SAMD12: variants seen among roughly 807,000 people sequenced by gnomAD.
SAMD12 encodes sterile alpha motif domain containing 12, also known as sterile alpha motif domain-containing protein 12.
Under a neutral mutation model 15.0 loss-of-function variants are expected in SAMD12, and 9 were observed. The observed-to-expected ratio is 0.60, with a 90% CI of 0.36 to 1.05. The LOEUF (loss-of-function observed/expected upper bound fraction) is 1.05. SAMD12 is among the 50% of genes least tolerant of loss of function. SAMD12 has a pLI of 0.01. For synonymous variants in SAMD12, 86 were observed against 90.1 expected, an observed-to-expected ratio of 0.96 and a Z score of 0.25; for missense variants, 230 against 234.2, an observed-to-expected ratio of 0.98 and a Z score of 0.12.
At chr8:118,514,775 G>A (rs1047437124) in intron 2 of SAMD12, among the ~76,000 whole-genome samples, 5 of 152,202 alleles carry the variant, frequency 3.3e-5, no homozygotes, top group African/African-American at 1.2e-4. Flanking sequence ...TGGGAAAACA[G>A]CGTTAGTAAA....
intron 4 of SAMD12, among the ~76,000 whole-genome samples, chr8:118,256,611 A>C (rs936124239): frequency 6.6e-6 from 1 of 152,088 alleles, no homozygotes; most frequent in Non-Finnish European, 1.5e-5. Flanking sequence ...ATGGGGAAGA[A>C]GTTCCCATTT....
At chr8:118,165,360 G>A in the SAMD12 span, among the ~76,000 whole-genome samples, 1 of 151,962 alleles carries the variant, frequency 6.6e-6, no homozygotes, top group Non-Finnish European at 1.5e-5. Flanking sequence ...AGACAGGGAT[G>A]CGGAGCTTGC....
intron 2 of SAMD12, among the ~76,000 whole-genome samples, chr8:118,451,933 C>A (rs1221773874): frequency 6.6e-6 from 1 of 152,126 alleles, no homozygotes; most frequent in African/African-American, 2.4e-5. Context: ...CTCTGTCTCC[C>A]CAAAATTCAC....
intron 2 of SAMD12, among the ~76,000 whole-genome samples, chr8:118,466,722 T>C (rs1442598769): frequency 1.3e-5 from 2 of 152,174 alleles, no homozygotes; most frequent in Non-Finnish European, 1.5e-5. Context: ...GAAGGATTCA[T>C]ATTAATATTA....
At chr8:118,574,806 AT>A (rs1209196970) in intron 2 of SAMD12, among the ~76,000 whole-genome samples, 9 of 152,106 alleles carry the variant, frequency 5.9e-5, no homozygotes, top group African/African-American at 2.2e-4. Flanking sequence ...TTTCATATGC[AT>A]TGTGTCCTTT....
At chr8:118,366,298 T>C (rs1818764204) in intron 4 of SAMD12, among the ~76,000 whole-genome samples, 1 of 152,202 alleles carries the variant, frequency 6.6e-6, no homozygotes, top group African/African-American at 2.4e-5. Context: ...ACCCTTCCTA[T>C]ATGACACTGC....
intron 4 of SAMD12, among the ~76,000 whole-genome samples, chr8:118,344,263 CCA>C (rs1465934296): frequency 6.6e-6 from 1 of 152,196 alleles, no homozygotes; most frequent in Non-Finnish European, 1.5e-5. Flanking sequence ...GGGACCTTGT[CCA>C]CTAGGAAACA....
intron 4 of SAMD12, among the ~76,000 whole-genome samples, chr8:118,291,042 A>G (rs1814332450): frequency 1.3e-5 from 2 of 152,212 alleles, no homozygotes; most frequent in South Asian, 4.1e-4. Flanking sequence ...CTTAACTGAA[A>G]TGTTGGCTTA....
At position 118,390,127 on chromosome 8, in the gene SAMD12, C is replaced by T. The variant is rs549265783; in HGVS notation, c.323-10427G>A. On this transcript the variant is annotated intron_variant, in intron 3 of 3. Transcript: ENST00000314727. ...GTTCATGCCATTCTCCTGCCTCAGCCTCCTAAGCAGCTGGGAAAATAGGTG... is the reference window on the plus strand; with the variant it reads ...GTTCATGCCATTCTCCTGCCTCAGCTTCCTAAGCAGCTGGGAAAATAGGTG... Among the ~76,000 whole-genome samples, 20 of 152,242 alleles carry T rather than the reference C, an allele frequency of 1.3e-4. No individual in the cohort carries two copies. In the East Asian group the frequency reaches 2.7e-3, roughly 21 times the overall value.
At chr8:118,149,734 T>G in the SAMD12 span, among the ~76,000 whole-genome samples, 1 of 152,200 alleles carries the variant, frequency 6.6e-6, no homozygotes, top group Non-Finnish European at 1.5e-5. Flanking sequence ...ATGATCCGTT[T>G]TTATTTACTT....
intron 4 of SAMD12, among the ~76,000 whole-genome samples, chr8:118,354,353 C>T (rs1051267696): frequency 6.6e-6 from 1 of 152,188 alleles, no homozygotes; most frequent in Non-Finnish European, 1.5e-5. Flanking sequence ...GAAAGCCTCT[C>T]TCATCTTGTT....
chr8:118,527,480 C>G (rs185396056), intron 2 of SAMD12, among the ~76,000 whole-genome samples: 88 of 152,282 alleles, frequency 5.8e-4, no homozygotes, highest in African/African-American at 2.0e-3. Flanking sequence ...CTCAGGTCTT[C>G]TAGGCATACA....
At chr8:118,319,885 T>C (rs1816142631) in intron 4 of SAMD12, among the ~76,000 whole-genome samples, 1 of 152,162 alleles carries the variant, frequency 6.6e-6, no homozygotes, top group African/African-American at 2.4e-5. Context: ...AAAATCTTCA[T>C]TGGACAGCTT....
At chr8:118,338,897 A>C (rs2130536367) in intron 4 of SAMD12, among the ~76,000 whole-genome samples, 1 of 152,322 alleles carries the variant, frequency 6.6e-6, no homozygotes, top group Admixed American at 6.5e-5. Flanking sequence ...CACTCCGTAA[A>C]ATGTTGATCA....
chr8:118,593,346 C>A (rs1233180858), intron 1 of SAMD12, among the ~76,000 whole-genome samples: 2 of 152,008 alleles, frequency 1.3e-5, no homozygotes, highest in South Asian at 2.1e-4. Flanking sequence ...TTAAAAAAAA[C>A]AAGTTCCTTT....
intron 4 of SAMD12, among the ~76,000 whole-genome samples, chr8:118,201,909 A>G (rs1001945199): frequency 6.6e-6 from 1 of 152,218 alleles, no homozygotes; most frequent in African/African-American, 2.4e-5. Context: ...CTTGGAATCA[A>G]TCATCATATT....
intron 2 of SAMD12, among the ~76,000 whole-genome samples, chr8:118,474,877 G>A (rs1053135209): frequency 6.6e-6 from 1 of 152,094 alleles, no homozygotes; most frequent in Non-Finnish European, 1.5e-5. Flanking sequence ...TCATGAATGG[G>A]TTGATGCTGT....
At chr8:118,360,742 G>A (rs559144740) in intron 4 of SAMD12, among the ~76,000 whole-genome samples, 6 of 152,326 alleles carry the variant, frequency 3.9e-5, no homozygotes, top group East Asian at 1.9e-4. Context: ...AACTCTACTC[G>A]TGCTAGGGAG....
chr8:118,270,653 A>C (rs114697076), intron 4 of SAMD12, among the ~76,000 whole-genome samples: 2,517 of 152,294 alleles, frequency 0.017, 80 homozygotes, highest in African/African-American at 0.057. Flanking sequence ...GGAGTTGGGG[A>C]GTCACAGAAC....
Sources: gnomAD v4.1 joint callset for allele counts (sites outside exome capture counted in the v4.1 genomes callset) on GRCh38, gnomAD v4.1.1 for gene constraint, MANE v1.5 for transcripts, NCBI Gene and HGNC (gene_info 2026-07-23, HGNC 2026-07-21) for gene names.